Variants in GRIA2 observed in about 807,000 individuals in gnomAD.
The protein encoded by GRIA2 is glutamate ionotropic receptor AMPA type subunit 2.
Under a neutral mutation model 97.3 loss-of-function variants are expected in GRIA2, and 14 were observed. That is an observed-to-expected ratio of 0.14 (90% CI 0.10 to 0.23). The LOEUF is 0.23. Among genes scored for constraint, GRIA2 ranks in the 10% least tolerant of loss-of-function variants. The pLI, the probability that GRIA2 is intolerant of heterozygous loss-of-function variation, is 1.00. For synonymous variants in GRIA2, 412 were observed against 387.8 expected, an observed-to-expected ratio of 1.06 and a Z score of -0.73; for missense variants, 558 against 1,069.8, an observed-to-expected ratio of 0.52 and a Z score of 6.67.
chr4:157,341,422 A>T lies in GRIA2; in HGVS notation c.2003A>T (p.Tyr668Phe). Residue 668 changes from tyrosine (Y) to phenylalanine (F), a missense_variant, in exon 12 of 16, where the codon TAT (tyrosine) becomes TTT (phenylalanine). Coordinates refer to ENST00000264426, the MANE Select transcript of GRIA2 (RefSeq NM_001083619.3). ...CTTTCTAAGCAAACAGAAATTGCTT[A>T]TGGAACATTAGACTCTGGCTCCACT... ...EDLSKQTEIA[Y>F]GTLDSGSTKE... The T allele has an allele frequency of 2.5e-6, 4 of 1,612,650 alleles. No homozygotes were observed. Among genetic ancestry groups the T allele is most frequent in the Non-Finnish European group, 3.4e-6 (4 of 1,178,838 alleles).
chr4:157,271,171 A>G (rs1025230674), intron 2 of GRIA2, among the ~76,000 whole-genome samples: 1 of 151,918 alleles, frequency 6.6e-6, no homozygotes, highest in African/African-American at 2.4e-5. Flanking sequence ...GAAGTCTTCT[A>G]TGACCCTATA....
chr4:157,308,607 TGTA>T (rs1733942995), intron 3 of GRIA2, among the ~76,000 whole-genome samples: 1 of 152,212 alleles, frequency 6.6e-6, no homozygotes, highest in African/African-American at 2.4e-5. Flanking sequence ...AATATCCTAA[TGTA>T]GTACTATGGA....
At chr4:157,253,785 A>C (rs1214288350) in intron 2 of GRIA2, among the ~76,000 whole-genome samples, 5 of 152,124 alleles carry the variant, frequency 3.3e-5, no homozygotes, top group African/African-American at 1.2e-4. Flanking sequence ...TGGGAATTTT[A>C]ACTAGTGCTG....
At chr4:157,265,289 T>G (rs1731719753) in intron 2 of GRIA2, among the ~76,000 whole-genome samples, 1 of 152,142 alleles carries the variant, frequency 6.6e-6, no homozygotes, top group Non-Finnish European at 1.5e-5. Flanking sequence ...TCCTGTAGTC[T>G]ACTCTTACAT....
chr4:157,273,757 A>G (rs1055091711), intron 2 of GRIA2, among the ~76,000 whole-genome samples: 2 of 152,076 alleles, frequency 1.3e-5, no homozygotes, highest in African/African-American at 4.8e-5. Context: ...ACAGTGTAAC[A>G]TACATACACA....
chr4:157,312,908 A>C, intron 4 of GRIA2, 33 bp downstream of exon 4: 1 of 1,230,322 alleles, frequency 8.1e-7, no homozygotes. Context: ...ATGATGCCAG[A>C]TATAGAATAT....
intron 2 of GRIA2, among the ~76,000 whole-genome samples, chr4:157,236,520 C>A (rs1431913663): frequency 2.6e-5 from 4 of 151,666 alleles, no homozygotes; most frequent in Admixed American, 1.3e-4. Flanking sequence ...TTCATTTTTG[C>A]TGTTTCTTTT....
chr4:157,268,346 A>C (rs903304141), intron 2 of GRIA2, among the ~76,000 whole-genome samples: 3 of 152,106 alleles, frequency 2.0e-5, no homozygotes, highest in Non-Finnish European at 4.4e-5. Flanking sequence ...TATTGAAATA[A>C]GTAAGCTCAC....
At chr4:157,260,201 C>A (rs1259621432) in intron 2 of GRIA2, among the ~76,000 whole-genome samples, 1 of 152,096 alleles carries the variant, frequency 6.6e-6, no homozygotes, top group Non-Finnish European at 1.5e-5. Context: ...CAGGACTTTA[C>A]TTCCTGGCCT....
rs903974893 is a variant in GRIA2 at position 157,361,753 on chromosome 4, G to A, written c.2406+629G>A. On this transcript the variant is annotated intron_variant, in intron 14 of 15. Coordinates refer to ENST00000264426, the MANE Select transcript of GRIA2 (RefSeq NM_001083619.3). This position sits in a 1 kb window ranked among gnomAD's most constrained non-coding sequence, Gnocchi z 5.2. Reference sequence around the variant, plus strand: ...GGGAATGACCCATCTTAAATAGAATGTAAATGCAAATATGCATGAGATGCA... The same window carrying A: ...GGGAATGACCCATCTTAAATAGAATATAAATGCAAATATGCATGAGATGCA... 1 of 773,074 alleles carries A rather than the reference G, an allele frequency of 1.3e-6. No homozygotes were observed. The allele number at this position is 773,074 out of a possible 1,614,324, so 47.9% of individuals were successfully genotyped here.
intron 2 of GRIA2, among the ~76,000 whole-genome samples, chr4:157,283,599 A>G (rs1732705812): frequency 6.6e-6 from 1 of 151,972 alleles, no homozygotes; most frequent in African/African-American, 2.4e-5. Context: ...TATGTGTATT[A>G]CATCTTTGTC....
intron 2 of GRIA2, among the ~76,000 whole-genome samples, chr4:157,234,341 C>G (rs1486616729): frequency 1.3e-5 from 2 of 151,950 alleles, no homozygotes; most frequent in Admixed American, 1.3e-4. Flanking sequence ...TAATAAACTT[C>G]TTTAATATAA....
intron 11 of GRIA2, among the ~76,000 whole-genome samples, chr4:157,338,022 A>G (rs1287620677): frequency 4.3e-3 from 51 of 12,000 alleles, no homozygotes; most frequent in Admixed American, 5.0e-3. Flanking sequence ...ATATATATAT[A>G]TATATATATA....
intron 11 of GRIA2, among the ~76,000 whole-genome samples, chr4:157,339,126 A>G (rs1413105790): frequency 6.6e-6 from 1 of 151,970 alleles, no homozygotes; most frequent in Non-Finnish European, 1.5e-5. Flanking sequence ...TGGTCTCATG[A>G]AGAATAGAAT....
chr4:157,279,331 C>T (rs1439025028), intron 2 of GRIA2, among the ~76,000 whole-genome samples: 1 of 151,872 alleles, frequency 6.6e-6, no homozygotes, highest in Non-Finnish European at 1.5e-5. Context: ...ACTAAGTGAA[C>T]AAAACAATTT....
intron 6 of GRIA2, among the ~76,000 whole-genome samples, chr4:157,323,446 T>G (rs1734673831): frequency 6.7e-6 from 1 of 149,992 alleles, no homozygotes; most frequent in African/African-American, 2.4e-5. Flanking sequence ...GAGCCTTAGT[T>G]GGTGTCAGCG....
intron 2 of GRIA2, among the ~76,000 whole-genome samples, chr4:157,283,181 A>C (rs942168374): frequency 6.6e-5 from 10 of 152,038 alleles, no homozygotes; most frequent in Non-Finnish European, 1.0e-4. Context: ...GTTACACTGT[A>C]AGAGCCTCTC....
At chr4:157,265,873 T>C (rs1427756070) in intron 2 of GRIA2, among the ~76,000 whole-genome samples, 1 of 152,094 alleles carries the variant, frequency 6.6e-6, no homozygotes, top group African/African-American at 2.4e-5. Context: ...AAATAATTTA[T>C]AGATAAGATC....
intron 12 of GRIA2, 135 bp downstream of exon 12, chr4:157,341,597 C>T: frequency 1.6e-6 from 1 of 644,836 alleles, no homozygotes; most frequent in South Asian, 1.9e-5. Flanking sequence ...TTGACTTTGT[C>T]TCTGTTTCTG....
Sources: gnomAD v4.1 joint callset for allele counts (sites outside exome capture counted in the v4.1 genomes callset) on GRCh38, gnomAD v4.1.1 for gene constraint, Gnocchi (gnomAD v3.1) non-coding constraint, MANE v1.5 for transcripts, NCBI Gene and HGNC (gene_info 2026-07-23, HGNC 2026-07-21) for gene names.